DEPDC5: variants seen among roughly 807,000 people sequenced by gnomAD.
DEPDC5 encodes DEP domain containing 5, GATOR1 subcomplex subunit, also known as GATOR1 complex protein DEPDC5.
In DEPDC5, 73 loss-of-function variants were observed where a neutral mutation model predicts 217.3. The ratio of observed to expected loss-of-function variants is 0.34; its 90% CI spans 0.28 to 0.41. The LOEUF is 0.41. DEPDC5 is among the 10% of genes least tolerant of loss of function. The probability of loss-of-function intolerance (pLI) is 1.00; values close to 1 mark genes in which losing one functional copy is unlikely to be tolerated. For synonymous variants in DEPDC5, 733 were observed against 756.7 expected (o/e 0.97, Z 0.51); for missense variants, 1,675 against 2,070.1 (o/e 0.81, Z 3.70).
At chr22:31,817,416 A>G (rs961821237) in intron 21 of DEPDC5, 3 of 454,572 alleles carry the variant, frequency 6.6e-6, no homozygotes, top group African/African-American at 4.1e-5. Context: ...GGCCAAAGTG[A>G]CATCTTTCAT....
At position 31,770,001 on chromosome 22, in the gene DEPDC5, T is replaced by A. The variant is rs777770870; in HGVS notation, c.413+1138T>A. On this transcript the variant is annotated intron_variant, in intron 7 of 42. Transcript: ENST00000651528. Reference sequence around the variant, plus strand: ...AGCACTTTGAGAGGCCAAGGTGGGCTGAGTGTGCTTGAGCCCCAGGAGTTC... The same window carrying A: ...AGCACTTTGAGAGGCCAAGGTGGGCAGAGTGTGCTTGAGCCCCAGGAGTTC... 2.6e-4 allele frequency among the ~76,000 whole-genome samples: 39 copies of A among 149,358 alleles called. 1 individual carries two copies. Among genetic ancestry groups the A allele is most frequent in the Non-Finnish European group, 1.9e-4 (13 of 67,410 alleles).
Position 31,806,138 on chromosome 22 carries a change from A to G in DEPDC5, c.1234A>G (p.Ser412Gly), listed in dbSNP as rs759939120. ...CTTTTACAGTTTCTACACATCCAAA[A>G]GCCAGCTCTTTTGTAATAGTTTCAC... ...WINHSFYTSK[S>G]QLFCNSFTPR... is the part of the protein sequence containing the mutation. Residue 412 changes from serine to glycine, a missense_variant, in exon 18 of 43, where the codon AGC becomes GGC. Transcript: ENST00000651528. 2.9e-5 allele frequency: 47 copies of G among 1,613,808 alleles called. No individual in the cohort carries two copies. The highest frequency in any genetic ancestry group is 3.7e-5 in the Non-Finnish European group (44 of 1,179,916).
Position 31,783,812 on chromosome 22 carries a change from C to A in DEPDC5, c.484-95C>A, listed in dbSNP as rs138872906. The A allele has an allele frequency of 3.7e-4, 383 of 1,026,806 alleles. 3 individuals carry two copies. In the African/African-American group the frequency reaches 5.4e-3, roughly 15 times the overall value. The allele number at this position is 1,026,806 out of a possible 1,614,324, so 63.6% of individuals were successfully genotyped here. On this transcript the variant is annotated intron_variant, in intron 8 of 42. Coordinates refer to ENST00000651528, the MANE Select transcript of DEPDC5 (RefSeq NM_001242896.3). Reference sequence around the variant, plus strand: ...AGTTCAATAGTGTTAAGAACATTTACACTGTTGTGAAGCAGATCTTCAGAA... The same window carrying A: ...AGTTCAATAGTGTTAAGAACATTTAAACTGTTGTGAAGCAGATCTTCAGAA...
At chr22:31,859,573 A>T (rs1429214414) in intron 32 of DEPDC5, among the ~76,000 whole-genome samples, 1 of 150,904 alleles carries the variant, frequency 6.6e-6, no homozygotes, top group African/African-American at 2.4e-5. Flanking sequence ...TTTTATTTTT[A>T]GTAGAGACAG....
chr22:31,809,983 A>G (rs1255015041), intron 19 of DEPDC5, among the ~76,000 whole-genome samples: 1 of 152,032 alleles, frequency 6.6e-6, no homozygotes, highest in Non-Finnish European at 1.5e-5. Flanking sequence ...CTCTGTCTCA[A>G]AAAAAAAGAG....
chr22:31,774,520 T>C (rs1280711109), intron 7 of DEPDC5, among the ~76,000 whole-genome samples: 1 of 150,840 alleles, frequency 6.6e-6, no homozygotes. Context: ...GTTTTAGAGG[T>C]CCTGTGAATG....
chr22:31,863,069 A>G (rs2092570900), intron 33 of DEPDC5, among the ~76,000 whole-genome samples: 1 of 150,862 alleles, frequency 6.6e-6, no homozygotes, highest in Non-Finnish European at 1.5e-5. Context: ...AGGCTGGTCA[A>G]CTCCTGGTGT....
intron 26 of DEPDC5, 179 bp downstream of exon 26, chr22:31,837,334 A>T: frequency 1.6e-6 from 1 of 645,112 alleles, no homozygotes; most frequent in Non-Finnish European, 2.5e-6. Flanking sequence ...ATTGAATTGT[A>T]TTTTATCTTT....
chr22:31,778,018 G>A, intron 7 of DEPDC5, 81 bp from the exon 8 acceptor site: 2 of 1,493,220 alleles, frequency 1.3e-6, no homozygotes, highest in South Asian at 1.1e-5. Context: ...AAAGTGCTGG[G>A]ATTACAGGCG....
intron 34 of DEPDC5, among the ~76,000 whole-genome samples, chr22:31,871,704 T>C (rs1244640702): frequency 6.6e-6 from 1 of 152,220 alleles, no homozygotes; most frequent in Non-Finnish European, 1.5e-5. Flanking sequence ...TTACTTCTGC[T>C]TTCAGAAGAA....
chr22:31,813,834 A>T (rs553545029), intron 20 of DEPDC5: 1 of 152,240 alleles, frequency 6.6e-6, no homozygotes, highest in South Asian at 2.1e-4. Context: ...AATATTTTAA[A>T]AACAAATCCC....
Position 31,810,509 on chromosome 22 carries a change from T to C in DEPDC5, c.1325-12T>C. The C allele has an allele frequency of 6.2e-7, 1 of 1,613,850 alleles. No homozygotes were observed. Among genetic ancestry groups the C allele is most frequent in the East Asian group, 2.2e-5 (1 of 44,868 alleles). ...GTATTTGATGACAATTTATATTATTTGTGTATTTCAGCTCTCGGGAGTCCA... is the reference window on the plus strand; with the variant it reads ...GTATTTGATGACAATTTATATTATTCGTGTATTTCAGCTCTCGGGAGTCCA... On this transcript the variant is annotated splice_polypyrimidine_tract_variant and intron_variant, in intron 19 of 42. Coordinates refer to ENST00000651528, the MANE Select transcript of DEPDC5 (RefSeq NM_001242896.3).
intron 33 of DEPDC5, among the ~76,000 whole-genome samples, 167 bp downstream of exon 33, chr22:31,861,600 C>T (rs2092514996): frequency 6.6e-6 from 1 of 152,034 alleles, no homozygotes; most frequent in Non-Finnish European, 1.5e-5. Context: ...TTGTTTGTGG[C>T]GGCGAAGGGG....
intron 40 of DEPDC5, among the ~76,000 whole-genome samples, chr22:31,899,362 A>G (rs1449392661): frequency 6.6e-6 from 1 of 152,046 alleles, no homozygotes; most frequent in Non-Finnish European, 1.5e-5. Flanking sequence ...TTCTCTGTTT[A>G]AAGCCAAAGT....
At chr22:31,840,687 G>A (rs1032758147) in intron 27 of DEPDC5, among the ~76,000 whole-genome samples, 2 of 152,122 alleles carry the variant, frequency 1.3e-5, no homozygotes, top group Non-Finnish European at 2.9e-5. Flanking sequence ...TTTTTGCTGT[G>A]ATAAATTTAA....
rs2093764723 is a variant in DEPDC5, at chr22:31,906,638, G to T, written c.*141G>T. ...GGGGGCCATTGTTTTTTGTTTGTTT[G>T]TTTGTTTGTTTGTTTGTTTTTGGCC... On this transcript the variant is annotated 3_prime_UTR_variant, in exon 43 of 43. Coordinates refer to ENST00000651528, the MANE Select transcript of DEPDC5 (RefSeq NM_001242896.3). The surrounding 1 kb of genome is among the most constrained non-coding windows in gnomAD (Gnocchi z 5.1). The T allele has an allele frequency of 9.1e-7, 1 of 1,100,242 alleles. No homozygotes were observed. Among genetic ancestry groups the T allele is most frequent in the African/African-American group, 1.6e-5 (1 of 63,702 alleles). 68.2% of individuals were successfully genotyped at this position (1,100,242 alleles called of 1,614,324 possible).
At chr22:31,778,552 C>G (rs1173779359) in intron 8 of DEPDC5, among the ~76,000 whole-genome samples, 1 of 152,152 alleles carries the variant, frequency 6.6e-6, no homozygotes, top group African/African-American at 2.4e-5. Flanking sequence ...ACTCTTTGCC[C>G]ACATGTAATA....
intron 24 of DEPDC5, among the ~76,000 whole-genome samples, chr22:31,828,930 G>A (rs529303358): frequency 2.6e-5 from 4 of 152,288 alleles, no homozygotes. Context: ...AACTGTGAAT[G>A]GTTTCAGTGT....
At chr22:31,805,593 C>T (rs866534058) in intron 17 of DEPDC5, among the ~76,000 whole-genome samples, 1 of 151,940 alleles carries the variant, frequency 6.6e-6, no homozygotes, top group Non-Finnish European at 1.5e-5. Flanking sequence ...CTCCACCACC[C>T]GGGTTCAAGT....
Sources: allele counts gnomAD v4.1 joint callset (sites outside exome capture counted in the v4.1 genomes callset), GRCh38; gene constraint gnomAD v4.1.1; non-coding constraint Gnocchi (gnomAD v3.1); transcripts MANE v1.5; gene names NCBI Gene and HGNC (gene_info 2026-07-23, HGNC 2026-07-21).